TPRG1: variants seen among roughly 807,000 people sequenced by gnomAD.
The protein encoded by TPRG1 is tumor protein p63-regulated gene 1 protein.
A neutral mutation model predicts 29.3 loss-of-function variants in TPRG1; 29 were observed. The observed-to-expected ratio is 0.99, with a 90% confidence interval of 0.74 to 1.35. TPRG1 has a LOEUF of 1.35. TPRG1 is among the 40% of genes most tolerant of loss of function. TPRG1 has a pLI of 0.00. For synonymous variants in TPRG1, 130 were observed against 116.8 expected, an observed-to-expected ratio of 1.11 and a Z score of -0.73; for missense variants, 327 against 335.0, an observed-to-expected ratio of 0.98 and a Z score of 0.19.
Position 189,140,112 on chromosome 3 carries a change from G to C in TPRG1, c.-291+7415G>C, listed in dbSNP as rs1724343451. ...TTGATGCTCTGTAGTCGTAAGCATA[G>C]GAATCATGCTGGAGGACAAAGGAAA... On this transcript the variant is annotated intron_variant, in intron 3 of 6. Coordinates refer to the TPRG1 transcript ENST00000412373. Among the ~76,000 whole-genome samples, 3 of 152,288 alleles carry C rather than the reference G, an allele frequency of 2.0e-5. No homozygotes were observed. The South Asian group carries it at 6.2e-4, about 32-fold the overall frequency.
intron 3 of TPRG1, among the ~76,000 whole-genome samples, chr3:189,216,073 A>G (rs2108842251): frequency 6.6e-6 from 1 of 152,314 alleles, no homozygotes; most frequent in African/African-American, 2.4e-5. Context: ...AATATTAGTA[A>G]TACCATGGTC....
chr3:189,228,104 G>C (rs1031360452), intron 3 of TPRG1, among the ~76,000 whole-genome samples: 2 of 152,178 alleles, frequency 1.3e-5, no homozygotes, highest in African/African-American at 4.8e-5. Flanking sequence ...CTGGGCAACA[G>C]AGCGAGACTC....
intron 1 of TPRG1, among the ~76,000 whole-genome samples, chr3:189,204,513 T>C (rs990905836): frequency 3.3e-5 from 5 of 152,310 alleles, no homozygotes; most frequent in Admixed American, 1.3e-4. Flanking sequence ...GGCTCAACTT[T>C]CCCACTATTT....
intron 1 of TPRG1, among the ~76,000 whole-genome samples, chr3:189,195,037 G>T (rs1476352038): frequency 6.6e-6 from 1 of 152,122 alleles, no homozygotes; most frequent in African/African-American, 2.4e-5. Flanking sequence ...GGAGCATGGG[G>T]TACTATGTAA....
chr3:189,101,684 C>T (rs1719221890), intron 1 of TPRG1, among the ~76,000 whole-genome samples: 1 of 152,198 alleles, frequency 6.6e-6, no homozygotes, highest in South Asian at 2.1e-4. Flanking sequence ...ATCTCACCCC[C>T]TTCATCTGTT....
intron 4 of TPRG1, among the ~76,000 whole-genome samples, chr3:189,082,993 A>T (rs1040831863): frequency 3.3e-5 from 5 of 152,168 alleles, no homozygotes; most frequent in Non-Finnish European, 7.3e-5. Flanking sequence ...CCTAGGAAAA[A>T]GCAGGACAAG....
At chr3:189,224,416 C>A (rs926390815) in intron 3 of TPRG1, among the ~76,000 whole-genome samples, 4 of 152,056 alleles carry the variant, frequency 2.6e-5, no homozygotes, top group Non-Finnish European at 5.9e-5. Flanking sequence ...AGAGGCGGAG[C>A]TTGCAGTGAA....
upstream of TPRG1, among the ~76,000 whole-genome samples, chr3:189,168,400 AGCTGTGAGGCCTTGTAGG>A (rs1053506919): frequency 3.3e-5 from 5 of 152,192 alleles, no homozygotes; most frequent in African/African-American, 9.7e-5. Context: ...TCACCTCTCT[AGCTGTGAGGCCTTGTAGG>A]GCTGTGAAGG....
At chr3:189,170,498 A>G (rs1377255647), upstream of TPRG1, among the ~76,000 whole-genome samples, 1 of 152,124 alleles carries the variant, frequency 6.6e-6, no homozygotes, top group Non-Finnish European at 1.5e-5. Context: ...CTGGATTACC[A>G]TAGTACTTGT....
chr3:189,100,049 AAG>A (rs1719002022), upstream of TPRG1: 2 of 152,384 alleles, frequency 1.3e-5, no homozygotes, highest in Admixed American at 6.5e-5. Context: ...AGAGGACTGA[AAG>A]AGAAACAGCT....
upstream of TPRG1, among the ~76,000 whole-genome samples, chr3:189,098,292 T>C (rs892722581): frequency 6.6e-6 from 1 of 151,896 alleles, no homozygotes; most frequent in Non-Finnish European, 1.5e-5. Flanking sequence ...ACAGGGACAA[T>C]ACGAGTAAAG....
At chr3:189,316,171 A>T (rs2109346209) in intron 5 of TPRG1, among the ~76,000 whole-genome samples, 2 of 152,286 alleles carry the variant, frequency 1.3e-5, no homozygotes, top group East Asian at 3.9e-4. Context: ...TAGGATGAGG[A>T]TGGAAATTGC....
chr3:189,310,973 C>T (rs1307686658), intron 5 of TPRG1, among the ~76,000 whole-genome samples: 1 of 152,128 alleles, frequency 6.6e-6, no homozygotes, highest in Non-Finnish European at 1.5e-5. Context: ...AGATAATGAG[C>T]ACTGCCTTTC....
At chr3:189,237,589 T>C (rs1739732103) in intron 3 of TPRG1, among the ~76,000 whole-genome samples, 1 of 152,294 alleles carries the variant, frequency 6.6e-6, no homozygotes, top group Non-Finnish European at 1.5e-5. Context: ...CAATGAGTGG[T>C]TTCAGCGTAC....
At chr3:189,030,107 T>C (rs1303168167) in intron 4 of TPRG1, among the ~76,000 whole-genome samples, 1 of 152,194 alleles carries the variant, frequency 6.6e-6, no homozygotes, top group East Asian at 1.9e-4. Context: ...TGCCTGAACA[T>C]TTCTGATGTT....
chr3:189,115,210 T>G (rs1261502570), intron 1 of TPRG1, among the ~76,000 whole-genome samples: 2 of 152,184 alleles, frequency 1.3e-5, no homozygotes, highest in Non-Finnish European at 2.9e-5. Flanking sequence ...TTTTTAAATT[T>G]TTGTCAGTTC....
chr3:189,151,453 G>A (rs917028016), intron 5 of TPRG1, among the ~76,000 whole-genome samples: 2 of 151,990 alleles, frequency 1.3e-5, no homozygotes, highest in African/African-American at 2.4e-5. Flanking sequence ...AAAGGACTTC[G>A]TTGTAAGGTA....
At chr3:189,315,234 C>G (rs930334812) in intron 5 of TPRG1, among the ~76,000 whole-genome samples, 11 of 150,700 alleles carry the variant, frequency 7.3e-5, no homozygotes, top group South Asian at 2.1e-4. Context: ...TATGTTATAC[C>G]CAGTTTCCTA....
intron 3 of TPRG1, among the ~76,000 whole-genome samples, chr3:189,139,859 A>G (rs1257841836): frequency 1.3e-5 from 2 of 152,084 alleles, no homozygotes; most frequent in Admixed American, 6.6e-5. Flanking sequence ...TGTCTAGCAT[A>G]TGGTTGCATT....
Sources: allele counts gnomAD v4.1 joint callset (sites outside exome capture counted in the v4.1 genomes callset), GRCh38; gene constraint gnomAD v4.1.1; transcripts MANE v1.5; gene names NCBI Gene and HGNC (gene_info 2026-07-23, HGNC 2026-07-21).